The following RFX2 variants were observed in gnomAD, a reference collection of about 807,000 sequenced individuals.
The protein encoded by RFX2 is DNA-binding protein RFX2.
In RFX2, 20 loss-of-function variants were observed where a neutral mutation model predicts 87.8. That is an observed-to-expected ratio of 0.23 (90% CI 0.16 to 0.33). The LOEUF is 0.33. Ranked by LOEUF, RFX2 falls within the 10% of genes least tolerant of loss-of-function variation. The pLI is 1.00. For synonymous variants in RFX2, 397 were observed against 431.3 expected, an observed-to-expected ratio of 0.92 and a Z score of 0.98; for missense variants, 767 against 1,012.3, an observed-to-expected ratio of 0.76 and a Z score of 3.29.
Position 5,997,925 on chromosome 19 carries a change from C to G in RFX2, c.1860-712G>C, listed in dbSNP as rs1032046092. Among the ~76,000 whole-genome samples, 2 of 152,178 alleles carry G rather than the reference C, an allele frequency of 1.3e-5. No homozygotes were observed. Among genetic ancestry groups the G allele is most frequent in the Admixed American group, 6.5e-5 (1 of 15,276 alleles). On this transcript the variant is annotated intron_variant, in intron 15 of 17. Transcript: ENST00000303657. This position sits in a 1 kb window ranked among gnomAD's most constrained non-coding sequence, Gnocchi z 4.2. Reference sequence around the variant, plus strand: ...GACAGTTTCACTGGCACGCGTCATGCCCGTTCCTATGTTGTCTTTCCTAGG... The same window carrying G: ...GACAGTTTCACTGGCACGCGTCATGGCCGTTCCTATGTTGTCTTTCCTAGG...
At chr19:6,067,668 G>A (rs1399493411) in intron 1 of RFX2, among the ~76,000 whole-genome samples, 4 of 152,232 alleles carry the variant, frequency 2.6e-5, no homozygotes, top group Non-Finnish European at 4.4e-5. Context: ...AGGAGAGGGT[G>A]AAGTGGCACC....
At position 6,013,168 on chromosome 19, in the gene RFX2, G is replaced by A; in HGVS notation, c.780-63C>T. The A allele has an allele frequency of 6.8e-7, 1 of 1,461,024 alleles. No homozygotes were observed. Among genetic ancestry groups the A allele is most frequent in the East Asian group, 2.6e-5 (1 of 38,194 alleles). The allele number at this position is 1,461,024 out of a possible 1,614,324, so 90.5% of individuals were successfully genotyped here. Reference sequence around the variant, plus strand: ...GATGTCCTGAACAACAAGACAGGTTGGGATTCTTTTTCTTTCTTTCTTCTT... The same window carrying A: ...GATGTCCTGAACAACAAGACAGGTTAGGATTCTTTTTCTTTCTTTCTTCTT... On this transcript the variant is annotated intron_variant, in intron 7 of 17. Transcript: ENST00000303657. This position sits in a 1 kb window ranked among gnomAD's most constrained non-coding sequence, Gnocchi z 4.1.
intron 5 of RFX2, among the ~76,000 whole-genome samples, chr19:6,037,025 C>G (rs551007158): frequency 5.9e-5 from 9 of 152,262 alleles, no homozygotes; most frequent in African/African-American, 2.2e-4. Context: ...TGGCTCACAC[C>G]TGTAATCCCA....
rs980693457 is a variant in RFX2, at chr19:5,994,240, G to T, written c.*595C>A. 12 of 152,300 alleles carry T rather than the reference G, an allele frequency of 7.9e-5. No homozygotes were observed. Among genetic ancestry groups the T allele is most frequent in the Admixed American group, 3.3e-4 (5 of 15,292 alleles). The allele number at this position is 152,300 out of a possible 1,614,324, so 9.4% of individuals were successfully genotyped here. A position where few individuals can be genotyped will look rare whatever the true frequency, so the allele number is the denominator to read the frequency against. On this transcript the variant is annotated 3_prime_UTR_variant, in exon 18 of 18. Transcript: ENST00000303657. ...CCGCCTCGGGGCATCCGGCAGGGAG[G>T]TCTGGATCTAAAAGGCCACAGGGCG...
Position 6,070,651 on chromosome 19 carries a change from G to C in RFX2, c.-8-23147C>G, listed in dbSNP as rs574064648. Reference sequence around the variant, plus strand: ...ACCCCATGGTCCCACCTCAATGCCTGACAGAAGCCCCACTCCTCAGGTTTA... The same window carrying C: ...ACCCCATGGTCCCACCTCAATGCCTCACAGAAGCCCCACTCCTCAGGTTTA... On this transcript the variant is annotated intron_variant, in intron 1 of 17. Coordinates refer to ENST00000303657, the MANE Select transcript of RFX2 (RefSeq NM_000635.4). 5.3e-5 allele frequency among the ~76,000 whole-genome samples: 8 copies of C among 152,246 alleles called. No individual in the cohort carries two copies. In the South Asian group the frequency reaches 1.7e-3, roughly 32 times the overall value.
chr19:6,025,888 C>A (rs199718734), intron 6 of RFX2, among the ~76,000 whole-genome samples: 2 of 150,166 alleles, frequency 1.3e-5, no homozygotes, highest in African/African-American at 2.5e-5. Flanking sequence ...CGGGTTCAAG[C>A]GATTCTCCTG....
In RFX2 at chr19:6,010,319, G is replaced by C. The variant is rs1018777844; in HGVS notation, c.900-68C>G. 1 of 1,053,798 alleles carries C rather than the reference G, an allele frequency of 9.5e-7. No individual in the cohort carries two copies. The highest frequency in any genetic ancestry group is 1.4e-6 in the Non-Finnish European group (1 of 705,676). 65.3% of individuals were successfully genotyped at this position (1,053,798 alleles called of 1,614,324 possible). On this transcript the variant is annotated intron_variant, in intron 8 of 17. Coordinates refer to ENST00000303657, the MANE Select transcript of RFX2 (RefSeq NM_000635.4). The surrounding 1 kb of genome is among the most constrained non-coding windows in gnomAD (Gnocchi z 5.0). ...TGCTGCGGGTGGGCCCAAAGACTGG[G>C]GGGCTGGGCAGGATTCAGTCAGGCA...
Position 6,044,072 on chromosome 19 carries a change from A to G in RFX2, c.180+121T>C. ...TTCTGGAAAAGTCTTTTGGCTAAGA[A>G]ACTGAAGCTTACAACAAGGAACAGC... On this transcript the variant is annotated intron_variant, in intron 3 of 17. Transcript: ENST00000303657. The surrounding 1 kb of genome is among the most constrained non-coding windows in gnomAD (Gnocchi z 5.3). 1 of 505,030 alleles carries G rather than the reference A, an allele frequency of 2.0e-6. No individual in the cohort carries two copies. Among genetic ancestry groups the G allele is most frequent in the Non-Finnish European group, 3.2e-6 (1 of 313,128 alleles). 31.3% of individuals were successfully genotyped at this position (505,030 alleles called of 1,614,324 possible).
chr19:6,018,109 G>A (rs1345121417), intron 6 of RFX2, among the ~76,000 whole-genome samples: 1 of 152,040 alleles, frequency 6.6e-6, no homozygotes, highest in Non-Finnish European at 1.5e-5. Context: ...CTGAGTAGCT[G>A]GCATTATAGG....
chr19:6,018,553 G>A (rs1389007427), intron 6 of RFX2, among the ~76,000 whole-genome samples: 4 of 152,210 alleles, frequency 2.6e-5, no homozygotes, highest in Non-Finnish European at 4.4e-5. Flanking sequence ...GGTGAGCTGC[G>A]GGGCTGAGTT....
chr19:6,017,743 C>T lies in RFX2; in HGVS notation c.598-1472G>A, dbSNP rs570753600. On this transcript the variant is annotated intron_variant, in intron 6 of 17. Transcript: ENST00000303657. This position sits in a 1 kb window ranked among gnomAD's most constrained non-coding sequence, Gnocchi z 4.1. The stretch of plus-strand genomic sequence containing the variant: ...TGCTGGGTCCTCAGCCCTCCCCCAC[C>T]GGGCATGTTGGGCTCCTGCACAGCC... Among the ~76,000 whole-genome samples the T allele has an allele frequency of 1.1e-4, 17 of 152,178 alleles. No individual in the cohort carries two copies. Among genetic ancestry groups the T allele is most frequent in the Admixed American group, 9.2e-4 (14 of 15,280 alleles).
At chr19:6,075,952 C>T (rs10403344) in intron 1 of RFX2, among the ~76,000 whole-genome samples, 3,633 of 152,290 alleles carry the variant, frequency 0.024, 136 homozygotes, top group African/African-American at 0.081. Flanking sequence ...GCATAGGGGA[C>T]AGAGGAGAGG....
At position 6,023,874 on chromosome 19, in the gene RFX2, G is replaced by C. The variant is rs924883266; in HGVS notation, c.597+2289C>G. 3.9e-5 allele frequency among the ~76,000 whole-genome samples: 6 copies of C among 151,990 alleles called. No individual in the cohort carries two copies. In the South Asian group the frequency reaches 1.2e-3, roughly 32 times the overall value. On this transcript the variant is annotated intron_variant, in intron 6 of 17. Coordinates refer to ENST00000303657, the MANE Select transcript of RFX2 (RefSeq NM_000635.4). The surrounding 1 kb of genome is among the most constrained non-coding windows in gnomAD (Gnocchi z 4.9). ...AGCTCACTGCAACCTCCGTCTCCCA[G>C]GTTCAAGCGATTCTCCTGTCTCAGC...
In RFX2 at chr19:6,017,859, A is replaced by C; in HGVS notation, c.598-1588T>G. Among the ~76,000 whole-genome samples, 1 of 151,058 alleles carries C rather than the reference A, an allele frequency of 6.6e-6. No homozygotes were observed. Among genetic ancestry groups the C allele is most frequent in the African/African-American group, 2.4e-5 (1 of 41,220 alleles). On this transcript the variant is annotated intron_variant, in intron 6 of 17. Coordinates refer to ENST00000303657, the MANE Select transcript of RFX2 (RefSeq NM_000635.4). The surrounding 1 kb of genome is among the most constrained non-coding windows in gnomAD (Gnocchi z 4.1). ...CCTGGGAAATATCTGTCCACTCACC[A>C]CAGCGTACCCATGGCACCCCCCCGC...
chr19:6,004,193 G>T lies in RFX2; in HGVS notation c.1500+8C>A, dbSNP rs777457962. The T allele has an allele frequency of 1.9e-6, 3 of 1,608,928 alleles. No individual in the cohort carries two copies. The highest frequency in any genetic ancestry group is 2.6e-6 in the Non-Finnish European group (3 of 1,176,180). ...CGTTGGGGAGCCCAGGCCCCACCCC[G>T]GACGCACCTTGGTCTGGATGACCTG... On this transcript the variant is annotated splice_region_variant and intron_variant, in intron 13 of 17. Transcript: ENST00000303657. This position sits in a 1 kb window ranked among gnomAD's most constrained non-coding sequence, Gnocchi z 4.8.
At chr19:6,046,880 C>T (rs1015359018) in intron 2 of RFX2, among the ~76,000 whole-genome samples, 2 of 151,866 alleles carry the variant, frequency 1.3e-5, no homozygotes, top group Non-Finnish European at 2.9e-5. Context: ...CCTCCCATCT[C>T]AGCCTCCTAA....
At position 6,004,031 on chromosome 19, in the gene RFX2, A is replaced by G. The variant is rs530023282; in HGVS notation, c.1500+170T>C. Among the ~76,000 whole-genome samples, 37 of 152,272 alleles carry G rather than the reference A, an allele frequency of 2.4e-4. No homozygotes were observed. Among genetic ancestry groups the G allele is most frequent in the African/African-American group, 8.9e-4 (37 of 41,558 alleles). ...ATCTTCTGTTGTTCCCCTTCCTGCC[A>G]GCACTGACGCGTCACCGGCAGTGTG... On this transcript the variant is annotated intron_variant, in intron 13 of 17. Coordinates refer to ENST00000303657, the MANE Select transcript of RFX2 (RefSeq NM_000635.4). This position sits in a 1 kb window ranked among gnomAD's most constrained non-coding sequence, Gnocchi z 4.8.
Position 6,016,211 on chromosome 19 carries a change from G to A in RFX2, c.658C>T (p.Leu220Phe). 1 of 1,614,072 alleles carries A rather than the reference G, an allele frequency of 6.2e-7. No individual in the cohort carries two copies. Among genetic ancestry groups the A allele is most frequent in the South Asian group, 1.1e-5 (1 of 91,076 alleles). ...AEGVSLPRSS[L>F]YNHYLRHCQE... ...CAGTGCCGAAGGTAGTGGTTGTAAAGAGAACTTCTGGGGAGACTCACACCT... is the reference window on the plus strand; with the variant it reads ...CAGTGCCGAAGGTAGTGGTTGTAAAAAGAACTTCTGGGGAGACTCACACCT... Residue 220 changes from leucine to phenylalanine, a missense_variant, in exon 7 of 18, where the codon CTT becomes TTT. Physicochemically the swap from Leu to Phe is conservative, Grantham distance 22 (BLOSUM62 0). Coordinates refer to ENST00000303657, the MANE Select transcript of RFX2 (RefSeq NM_000635.4). The surrounding 1 kb of genome is among the most constrained non-coding windows in gnomAD (Gnocchi z 5.4).
chr19:6,060,193 C>A (rs2087407620), intron 1 of RFX2, among the ~76,000 whole-genome samples: 1 of 152,208 alleles, frequency 6.6e-6, no homozygotes, highest in African/African-American at 2.4e-5. Flanking sequence ...TGACCTCCCC[C>A]CACTATCTCA....
Sources: allele counts gnomAD v4.1 joint callset (sites outside exome capture counted in the v4.1 genomes callset), GRCh38; gene constraint gnomAD v4.1.1; non-coding constraint Gnocchi (gnomAD v3.1); transcripts MANE v1.5; gene names NCBI Gene and HGNC (gene_info 2026-07-23, HGNC 2026-07-21).